ASCC1: variants seen among roughly 807,000 people sequenced by gnomAD.
ASCC1 encodes activating signal cointegrator 1 complex subunit 1, also known as ASC-1 complex subunit P50.
ASCC1 carries 35 observed loss-of-function variants against 46.6 expected under a neutral mutation model. The ratio of observed to expected loss-of-function variants is 0.75; its 90% CI spans 0.57 to 0.99. The LOEUF is 0.99. ASCC1 is among the 50% of genes least tolerant of loss of function. ASCC1 has a pLI of 0.00. For synonymous variants in ASCC1, 143 were observed against 146.6 expected (o/e 0.98, Z 0.18); for missense variants, 376 against 428.7 (o/e 0.88, Z 1.09).
rs201027221 is a variant in ASCC1, at chr10:72,203,503, C to T, written c.234G>A (p.Gly78=). The T allele has an allele frequency of 1.9e-4, 301 of 1,611,088 alleles. No homozygotes were observed. Among genetic ancestry groups the T allele is most frequent in the Non-Finnish European group, 2.5e-4 (290 of 1,177,876 alleles). ...CCATTTCTATTTTCTTCCTAGTGTC[C>T]CCTCTCTTTCCAACTATATGCCTGT... ...LLYKHIVGKR[G]DTRKKIEMET... Residue 78 remains glycine (G), a synonymous_variant, in exon 4 of 10, where the codon GGG becomes GGA. Coordinates refer to ENST00000672957, the MANE Select transcript of ASCC1 (RefSeq NM_001198800.3).
At chr10:72,143,184 G>T (rs1010525540) in intron 7 of ASCC1, among the ~76,000 whole-genome samples, 3 of 151,032 alleles carry the variant, frequency 2.0e-5, no homozygotes, top group African/African-American at 4.9e-5. Flanking sequence ...AAAAAAAAAG[G>T]TATTAAATGT....
intron 9 of ASCC1, among the ~76,000 whole-genome samples, chr10:72,119,596 A>G (rs966569629): frequency 2.0e-5 from 3 of 152,136 alleles, no homozygotes; most frequent in Non-Finnish European, 4.4e-5. Flanking sequence ...AGACCTAATC[A>G]CAGAATTACA....
intron 5 of ASCC1, among the ~76,000 whole-genome samples, chr10:72,162,143 G>A (rs1025356905): frequency 1.3e-5 from 2 of 151,880 alleles, no homozygotes; most frequent in African/African-American, 2.4e-5. Flanking sequence ...ATTCAACAAC[G>A]AAAAGAAATC....
At chr10:72,141,943 C>T (rs1193841521) in intron 7 of ASCC1, among the ~76,000 whole-genome samples, 1 of 151,970 alleles carries the variant, frequency 6.6e-6, no homozygotes, top group Non-Finnish European at 1.5e-5. Context: ...AAAAATTTTC[C>T]CACACAACAC....
intron 9 of ASCC1, among the ~76,000 whole-genome samples, chr10:72,109,440 A>T (rs1842691078): frequency 6.6e-6 from 1 of 152,196 alleles, no homozygotes; most frequent in Non-Finnish European, 1.5e-5. Context: ...CTGCTCTCAA[A>T]TCACCTGCCT....
At chr10:72,212,330 A>T (rs1364180201) in intron 2 of ASCC1, 1 of 163,032 alleles carries the variant, frequency 6.1e-6, no homozygotes, top group Admixed American at 6.4e-5. Flanking sequence ...TAATAATAAT[A>T]AATAAAAAAT....
At chr10:72,203,624 A>T in intron 3 of ASCC1, 100 bp from the exon 4 acceptor site, 1 of 879,466 alleles carries the variant, frequency 1.1e-6, no homozygotes. Context: ...ACTCCCTTAC[A>T]GAAAAGTAGT....
intron 7 of ASCC1, among the ~76,000 whole-genome samples, chr10:72,148,748 C>A (rs368246434): frequency 2.0e-5 from 3 of 152,102 alleles, no homozygotes; most frequent in East Asian, 3.9e-4. Context: ...GAAAACCATG[C>A]ATGGGTTAAA....
intron 5 of ASCC1, among the ~76,000 whole-genome samples, chr10:72,196,597 T>A (rs186833763): frequency 5.8e-4 from 89 of 152,216 alleles, no homozygotes; most frequent in African/African-American, 2.0e-3. Context: ...TGTGTTAAAA[T>A]TTTTTAAAGA....
rs546861786 is a variant in ASCC1, at chr10:72,122,146, C to T, written c.957+5936G>A. ...AATTAAACCACACACTTCAGCCAGG[C>T]GCAGCGGCTCACGCCTGTAATCCCA... On this transcript the variant is annotated intron_variant, in intron 9 of 9. Transcript: ENST00000672957. 3.9e-4 allele frequency among the ~76,000 whole-genome samples: 59 copies of T among 152,260 alleles called. No individual in the cohort carries two copies. The South Asian group carries it at 1.0e-2, about 26-fold the overall frequency.
At chr10:72,173,624 C>A (rs550392877) in intron 5 of ASCC1, among the ~76,000 whole-genome samples, 1 of 152,180 alleles carries the variant, frequency 6.6e-6, no homozygotes, top group Non-Finnish European at 1.5e-5. Context: ...AAATTCTGCC[C>A]TACCTCACAA....
intron 9 of ASCC1, among the ~76,000 whole-genome samples, chr10:72,101,911 G>T (rs1841809217): frequency 6.6e-6 from 1 of 152,040 alleles, no homozygotes; most frequent in Non-Finnish European, 1.5e-5. Flanking sequence ...AACTATAAAT[G>T]AAACACAGAC....
At chr10:72,188,121 CTTTTTTT>C (rs1169395541) in intron 5 of ASCC1, among the ~76,000 whole-genome samples, 6 of 124,430 alleles carry the variant, frequency 4.8e-5, no homozygotes, top group Non-Finnish European at 6.8e-5. Context: ...AATACTTCTT[CTTTTTTT>C]TTTTTTTTTT....
At chr10:72,099,208 T>G (rs1000517940) in intron 9 of ASCC1, among the ~76,000 whole-genome samples, 1 of 152,232 alleles carries the variant, frequency 6.6e-6, no homozygotes, top group African/African-American at 2.4e-5. Flanking sequence ...GACCCATGAC[T>G]TCACTTCACC....
chr10:72,160,563 G>A (rs970009187), intron 6 of ASCC1, among the ~76,000 whole-genome samples: 2 of 151,892 alleles, frequency 1.3e-5, no homozygotes, highest in Non-Finnish European at 2.9e-5. Context: ...ACTGTTTCTG[G>A]TATCCTTTCT....
At chr10:72,159,043 G>T (rs1223809901) in intron 6 of ASCC1, 2 of 152,078 alleles carry the variant, frequency 1.3e-5, no homozygotes, top group Non-Finnish European at 2.9e-5. Flanking sequence ...GCATGTGATG[G>T]GAGAAATCAG....
intron 5 of ASCC1, chr10:72,190,458 C>G (rs1023791929): frequency 1.9e-6 from 3 of 1,598,436 alleles, no homozygotes; most frequent in African/African-American, 2.7e-5. Context: ...GGGCTGACAT[C>G]TGCAGGCCGA....
intron 5 of ASCC1, among the ~76,000 whole-genome samples, chr10:72,173,650 G>A (rs1433106717): frequency 6.6e-6 from 1 of 152,146 alleles, no homozygotes; most frequent in Non-Finnish European, 1.5e-5. Context: ...TCTACCAAGA[G>A]AAACTTTTCT....
chr10:72,098,055 A>G (rs1451303936), intron 9 of ASCC1, among the ~76,000 whole-genome samples: 1 of 152,202 alleles, frequency 6.6e-6, no homozygotes, highest in Non-Finnish European at 1.5e-5. Context: ...TACTTATCAA[A>G]TACCTTTATT....
Sources: gnomAD v4.1 joint callset for allele counts (sites outside exome capture counted in the v4.1 genomes callset) on GRCh38, gnomAD v4.1.1 for gene constraint, MANE v1.5 for transcripts, NCBI Gene and HGNC (gene_info 2026-07-23, HGNC 2026-07-21) for gene names.